The following N4BP2L2 variants were observed in gnomAD, a reference collection of about 807,000 sequenced individuals.
N4BP2L2 encodes the protein NEDD4 binding protein 2 like 2, also known as NEDD4-binding protein 2-like 2.
N4BP2L2 carries 50 observed loss-of-function variants against 56.2 expected under a neutral mutation model. The observed-to-expected ratio is 0.89, with a 90% confidence interval of 0.71 to 1.13. The LOEUF (loss-of-function observed/expected upper bound fraction) is 1.13, where lower values mean the gene tolerates loss of function less well. Ranked by LOEUF, N4BP2L2 falls within the 50% of genes most tolerant of loss-of-function variation. The probability of loss-of-function intolerance (pLI) is 0.00; values close to 1 mark genes in which losing one functional copy is unlikely to be tolerated. For missense variants in N4BP2L2, 689 were observed against 693.8 expected (o/e 0.99, Z 0.08); for synonymous variants, 203 against 223.6 (o/e 0.91, Z 0.82).
rs369512590 is a variant in N4BP2L2 at position 32,536,388 on chromosome 13, G to C, written c.640C>G (p.Leu214Val). 6.1e-5 allele frequency: 98 copies of C among 1,613,944 alleles called. No homozygotes were observed. The highest frequency in any genetic ancestry group is 8.0e-5 in the Non-Finnish European group (94 of 1,180,010). The stretch of plus-strand genomic sequence containing the variant: ...TTCTTTTCTTCATCAGGTTTTAAGA[G>C]ACCATTATTATGACCCTCATAAAAT... Residue 214 changes from leucine to valine, a missense_variant, in exon 2 of 6, where the codon CTC becomes GTC. Coordinates refer to ENST00000267068, the Ensembl canonical transcript of N4BP2L2.
At chr13:32,439,854 T>TA (rs1193734126) in intron 7 of N4BP2L2, among the ~76,000 whole-genome samples, 1,818 of 43,452 alleles carry the variant, frequency 0.042, 100 homozygotes, top group African/African-American at 0.077. Flanking sequence ...CTATTAAGAA[T>TA]CCAAAAAAAA....
At chr13:32,490,074 C>G (rs536211760) in intron 6 of N4BP2L2, 3 of 152,260 alleles carry the variant, frequency 2.0e-5, no homozygotes, top group African/African-American at 7.2e-5. Context: ...TCCCCCTCCC[C>G]TACACACATA....
chr13:32,511,847 A>G (rs1371350845), exon 6 of N4BP2L2: 1 of 152,116 alleles, frequency 6.6e-6, no homozygotes. Flanking sequence ...TCTAAGATTA[A>G]GAAAAACGGA....
chr13:32,474,550 C>G (rs935318668), intron 6 of N4BP2L2, among the ~76,000 whole-genome samples: 1 of 151,454 alleles, frequency 6.6e-6, no homozygotes, highest in Non-Finnish European at 1.5e-5. Flanking sequence ...AAAAATTAGC[C>G]GGGCATGGTG....
rs546590400 is a variant in N4BP2L2 at position 32,531,682 on chromosome 13, A to C, written c.1259+4087T>G. ...AGTTAAGGAGACCTACCTCCTTCAA[A>C]AGAAGGGAGAAAAAAAAGTCTCCTC... On this transcript the variant is annotated intron_variant, in intron 2 of 5. Coordinates refer to ENST00000267068, the Ensembl canonical transcript of N4BP2L2. 7.9e-5 allele frequency among the ~76,000 whole-genome samples: 12 copies of C among 152,256 alleles called. No homozygotes were observed. In the East Asian group the frequency reaches 2.1e-3, roughly 27 times the overall value.
chr13:32,522,197 C>T (rs771514272), exon 4 of N4BP2L2: 4 of 1,557,268 alleles, frequency 2.6e-6, no homozygotes, highest in Non-Finnish European at 3.5e-6. Flanking sequence ...CCACATATGG[C>T]TTCATTTCCC....
chr13:32,536,863 G>T (rs777041185), exon 2 of N4BP2L2: 74 of 1,613,812 alleles, frequency 4.6e-5, no homozygotes, highest in Non-Finnish European at 5.8e-5. Context: ...TGGTCACAGG[G>T]ACCCAATCAT....
At chr13:32,485,075 A>T (rs1402067847) in intron 6 of N4BP2L2, among the ~76,000 whole-genome samples, 1 of 152,318 alleles carries the variant, frequency 6.6e-6, no homozygotes, top group South Asian at 2.1e-4. Context: ...TCACAGGCTA[A>T]CCTCAAAAAA....
At chr13:32,499,009 A>T (rs2089426747) in intron 6 of N4BP2L2, among the ~76,000 whole-genome samples, 1 of 151,702 alleles carries the variant, frequency 6.6e-6, no homozygotes, top group South Asian at 2.1e-4. Context: ...AAAAAAAAAA[A>T]AATTAAAATT....
chr13:32,484,570 G>A (rs1041339103), intron 6 of N4BP2L2, among the ~76,000 whole-genome samples: 4 of 151,556 alleles, frequency 2.6e-5, no homozygotes, highest in Admixed American at 6.6e-5. Flanking sequence ...TGCAACCTCC[G>A]CCTCCCGGGT....
chr13:32,443,667 G>A, exon 7 of N4BP2L2: 1 of 1,611,020 alleles, frequency 6.2e-7, no homozygotes, highest in Middle Eastern at 1.7e-4. Flanking sequence ...TCATGCCAGA[G>A]CAGTCATCAG....
chr13:32,518,792 C>T (rs35193668), intron 5 of N4BP2L2, among the ~76,000 whole-genome samples: 40,230 of 151,990 alleles, frequency 0.26, 6,664 homozygotes, highest in Non-Finnish European at 0.37. Flanking sequence ...GATAGCTAAA[C>T]GTGTGTTGAT....
intron 5 of N4BP2L2, 117 bp from the exon 6 acceptor site, chr13:32,518,120 A>AT: frequency 1.1e-6 from 1 of 925,174 alleles, no homozygotes; most frequent in Non-Finnish European, 1.5e-6. Flanking sequence ...TAAACAATAT[A>AT]TATTTCATCT....
intron 6 of N4BP2L2, among the ~76,000 whole-genome samples, chr13:32,503,172 CAAAAAAAAAAA>C (rs35773755): frequency 3.4e-5 from 2 of 57,996 alleles, no homozygotes; most frequent in African/African-American, 6.1e-5. Context: ...GACTCTGTAG[CAAAAAAAAAAA>C]AAAAAAAAAA....
exon 6 of N4BP2L2, chr13:32,513,793 A>G (rs2048625691): frequency 6.6e-6 from 1 of 152,176 alleles, no homozygotes; most frequent in South Asian, 2.1e-4. Flanking sequence ...TTTAGCCCTT[A>G]TTAGTTATTG....
chr13:32,517,274 A>G, exon 6 of N4BP2L2: 6 of 986,500 alleles, frequency 6.1e-6, no homozygotes, highest in Non-Finnish European at 7.2e-6. Context: ...ATTTTGTTTG[A>G]ACTAAGTGAT....
chr13:32,500,466 T>G (rs556351839), intron 6 of N4BP2L2, among the ~76,000 whole-genome samples: 2 of 150,322 alleles, frequency 1.3e-5, no homozygotes, highest in Non-Finnish European at 2.9e-5. Flanking sequence ...GTGCAGTGGC[T>G]CTTGCCCATA....
chr13:32,532,149 C>T (rs892425704), intron 2 of N4BP2L2, among the ~76,000 whole-genome samples: 13 of 152,238 alleles, frequency 8.5e-5, no homozygotes, highest in African/African-American at 2.9e-4. Context: ...TCTAACGCAA[C>T]ATATGCACAG....
At chr13:32,487,027 C>G (rs974525216) in intron 6 of N4BP2L2, among the ~76,000 whole-genome samples, 2 of 151,730 alleles carry the variant, frequency 1.3e-5, no homozygotes, top group African/African-American at 4.8e-5. Flanking sequence ...AAAAAGAAAG[C>G]AAGCAAGAAA....
Sources: allele counts gnomAD v4.1 joint callset (sites outside exome capture counted in the v4.1 genomes callset), GRCh38; gene constraint gnomAD v4.1.1; transcripts MANE v1.5; gene names NCBI Gene and HGNC (gene_info 2026-07-23, HGNC 2026-07-21).